ELOVL6: variants seen among roughly 807,000 people sequenced by gnomAD.
ELOVL6 encodes very long chain fatty acid elongase 6.
In ELOVL6, 8 loss-of-function variants were observed where a neutral mutation model predicts 31.7. The observed-to-expected ratio is 0.25, with a 90% CI of 0.15 to 0.45. The LOEUF is 0.45. Among genes scored for constraint, ELOVL6 ranks in the 20% least tolerant of loss-of-function variants. The pLI, the probability that ELOVL6 is intolerant of heterozygous loss-of-function variation, is 1.00. For synonymous variants in ELOVL6, 101 were observed against 117.7 expected (o/e 0.86, Z 0.92); for missense variants, 126 against 326.4 (o/e 0.39, Z 4.73).
intron 2 of ELOVL6, among the ~76,000 whole-genome samples, chr4:110,094,449 T>TATATATAAAATAG: frequency 8.1e-6 from 1 of 123,316 alleles, no homozygotes; most frequent in African/African-American, 3.0e-5. Context: ...ATATAATATA[T>TATATATAAAATAG]ATAACATAAT....
At chr4:110,158,207 A>T (rs1758510058) in intron 1 of ELOVL6, among the ~76,000 whole-genome samples, 1 of 152,214 alleles carries the variant, frequency 6.6e-6, no homozygotes, top group African/African-American at 2.4e-5. Context: ...TATTATGAAA[A>T]GTTCATCTTT....
At chr4:110,084,554 ACAC>A (rs1756168054) in intron 2 of ELOVL6, among the ~76,000 whole-genome samples, 2 of 69,988 alleles carry the variant, frequency 2.9e-5, no homozygotes, top group African/African-American at 1.9e-4. Context: ...ACACACACAC[ACAC>A]ACACAGATAT....
At chr4:110,148,125 A>G (rs79671972) in intron 1 of ELOVL6, among the ~76,000 whole-genome samples, 5,707 of 151,556 alleles carry the variant, frequency 0.038, 227 homozygotes, top group Admixed American at 0.099. Flanking sequence ...AAAAAAAAAA[A>G]AAAAGCCAAA....
intron 3 of ELOVL6, among the ~76,000 whole-genome samples, chr4:110,057,135 T>G (rs956663328): frequency 2.6e-5 from 4 of 152,190 alleles, no homozygotes; most frequent in African/African-American, 9.7e-5. Flanking sequence ...GGACTATGTT[T>G]GTTCTCAAGT....
chr4:110,065,074 G>A (rs1465735026), intron 2 of ELOVL6, among the ~76,000 whole-genome samples: 2 of 152,108 alleles, frequency 1.3e-5, no homozygotes, highest in Non-Finnish European at 2.9e-5. Flanking sequence ...CCTATTGCAG[G>A]AGACAACAAA....
chr4:110,079,581 A>G (rs1288436709), intron 2 of ELOVL6, among the ~76,000 whole-genome samples: 1 of 152,220 alleles, frequency 6.6e-6, no homozygotes, highest in Non-Finnish European at 1.5e-5. Context: ...TCTGGGACAT[A>G]TTCAAAGCAG....
chr4:110,178,855 G>A (rs1759193512), intron 1 of ELOVL6, among the ~76,000 whole-genome samples: 2 of 152,118 alleles, frequency 1.3e-5, no homozygotes, highest in South Asian at 4.2e-4. Context: ...CATAAAGATG[G>A]ATAAAAAGTT....
At chr4:110,156,957 G>A (rs1055473872) in intron 1 of ELOVL6, among the ~76,000 whole-genome samples, 2 of 152,176 alleles carry the variant, frequency 1.3e-5, no homozygotes, top group Non-Finnish European at 2.9e-5. Flanking sequence ...CCATAACAAG[G>A]CTGGTAAAAG....
intron 1 of ELOVL6, among the ~76,000 whole-genome samples, chr4:110,128,163 C>G (rs1757563699): frequency 1.3e-5 from 2 of 151,932 alleles, no homozygotes; most frequent in African/African-American, 4.8e-5. Context: ...ATAAGCCTGG[C>G]AAAGAAAGTG....
intron 1 of ELOVL6, among the ~76,000 whole-genome samples, chr4:110,190,354 A>G (rs1433192181): frequency 6.6e-6 from 1 of 152,216 alleles, no homozygotes; most frequent in East Asian, 1.9e-4. Context: ...CCTTAAAACT[A>G]AAAGTCGCAA....
intron 3 of ELOVL6, among the ~76,000 whole-genome samples, chr4:110,053,182 T>C (rs543359097): frequency 6.6e-6 from 1 of 152,360 alleles, no homozygotes; most frequent in Non-Finnish European, 1.5e-5. Context: ...CCTAAAGTGC[T>C]GGGACTATAG....
At chr4:110,163,750 CT>C (rs1578271464) in intron 1 of ELOVL6, among the ~76,000 whole-genome samples, 1 of 152,310 alleles carries the variant, frequency 6.6e-6, no homozygotes, top group East Asian at 1.9e-4. Flanking sequence ...CTGAGTTGGG[CT>C]TTCTAAGTTT....
chr4:110,105,956 TAG>T (rs1173094610), intron 1 of ELOVL6, among the ~76,000 whole-genome samples: 4 of 152,240 alleles, frequency 2.6e-5, no homozygotes, highest in Non-Finnish European at 5.9e-5. Context: ...TTTTATTCTT[TAG>T]AGTTTGTTGA....
Position 110,171,726 on chromosome 4 carries a change from C to T in ELOVL6, c.89+26521G>A, listed in dbSNP as rs902390887. Reference sequence around the variant, plus strand: ...TTTTTGGTTGAGACAGGGTCTCTCTCTGTGTTGTCCAGGCTGGAGTACAGT... The same window carrying T: ...TTTTTGGTTGAGACAGGGTCTCTCTTTGTGTTGTCCAGGCTGGAGTACAGT... On this transcript the variant is annotated intron_variant, in intron 1 of 3. Coordinates refer to ENST00000302274, the MANE Select transcript of ELOVL6 (RefSeq NM_024090.3). Among the ~76,000 whole-genome samples, 187 of 111,002 alleles carry T rather than the reference C, an allele frequency of 1.7e-3. 1 individual carries two copies. The highest frequency in any genetic ancestry group is 6.2e-3 in the African/African-American group (179 of 28,980). The allele number at this position is 111,002 out of a possible 152,430, so 72.8% of individuals were successfully genotyped here. A position where few individuals can be genotyped will look rare whatever the true frequency, so the allele number is the denominator to read the frequency against.
At position 110,046,221 on chromosome 4, in the gene ELOVL6, C is replaced by T. The variant is rs1173529152; in HGVS notation, c.*5117G>A. On this transcript the variant is annotated 3_prime_UTR_variant, in exon 4 of 4. Coordinates refer to ENST00000302274, the MANE Select transcript of ELOVL6 (RefSeq NM_024090.3). ...TTGGGAAAGTAACAGCATTTAAATA[C>T]CAATGTCGAGTCAGAACCCTTCATG... 6.6e-6 allele frequency: 1 copy of T among 152,152 alleles called. No individual in the cohort carries two copies. Among genetic ancestry groups the T allele is most frequent in the Non-Finnish European group, 1.5e-5 (1 of 68,044 alleles). The allele number at this position is 152,152 out of a possible 1,614,324, so 9.4% of individuals were successfully genotyped here.
intron 1 of ELOVL6, among the ~76,000 whole-genome samples, chr4:110,177,191 T>G (rs1759132940): frequency 6.6e-6 from 1 of 152,024 alleles, no homozygotes; most frequent in African/African-American, 2.4e-5. Context: ...GTAATCCCAG[T>G]GATTGAGAGG....
intron 1 of ELOVL6, among the ~76,000 whole-genome samples, chr4:110,129,820 A>AAACAAGGC (rs1160296717): frequency 6.6e-6 from 1 of 152,056 alleles, no homozygotes; most frequent in Non-Finnish European, 1.5e-5. Context: ...CTGTTGAGTG[A>AAACAAGGC]AACAAGGCAA....
intron 2 of ELOVL6, among the ~76,000 whole-genome samples, chr4:110,079,778 C>A (rs1227790036): frequency 6.6e-6 from 1 of 151,604 alleles, no homozygotes; most frequent in African/African-American, 2.4e-5. Context: ...AAAAACCCTT[C>A]AAAAAAAATC....
At chr4:110,165,995 A>G (rs777299811) in intron 1 of ELOVL6, among the ~76,000 whole-genome samples, 6 of 152,236 alleles carry the variant, frequency 3.9e-5, no homozygotes, top group East Asian at 1.9e-4. Context: ...CTTTCAATAC[A>G]TCTGCCTCCT....
Sources: allele counts gnomAD v4.1 joint callset (sites outside exome capture counted in the v4.1 genomes callset), GRCh38; gene constraint gnomAD v4.1.1; transcripts MANE v1.5; gene names NCBI Gene and HGNC (gene_info 2026-07-23, HGNC 2026-07-21).